The following PTPRJ variants were observed in gnomAD, a reference collection of about 807,000 sequenced individuals.
The protein encoded by PTPRJ is protein tyrosine phosphatase receptor type J.
In PTPRJ, 129 loss-of-function variants were observed where a neutral mutation model predicts 141.3. The observed-to-expected ratio is 0.91, with a 90% CI of 0.79 to 1.06. PTPRJ has a LOEUF of 1.06. PTPRJ is among the 50% of genes least tolerant of loss of function. The probability of loss-of-function intolerance (pLI) is 0.00; values close to 1 mark genes in which losing one functional copy is unlikely to be tolerated. For synonymous variants in PTPRJ, 610 were observed against 640.5 expected, an observed-to-expected ratio of 0.95 and a Z score of 0.72; for missense variants, 1,601 against 1,679.7, an observed-to-expected ratio of 0.95 and a Z score of 0.82.
chr11:48,099,611 C>G (rs1222884012), intron 1 of PTPRJ, among the ~76,000 whole-genome samples: 1 of 152,070 alleles, frequency 6.6e-6, no homozygotes, highest in Admixed American at 6.5e-5. Flanking sequence ...TGGGTAGGCT[C>G]TGGTGCACCA....
chr11:48,096,538 A>T (rs1001538879), intron 1 of PTPRJ, among the ~76,000 whole-genome samples: 4 of 74,992 alleles, frequency 5.3e-5, no homozygotes, highest in Admixed American at 1.5e-4. Context: ...GCCCGCCCCC[A>T]CCCCCACAAC....
At chr11:48,076,325 TG>T (rs150874128) in intron 1 of PTPRJ, among the ~76,000 whole-genome samples, 1,670 of 152,358 alleles carry the variant, frequency 0.011, 36 homozygotes, top group African/African-American at 0.039. Context: ...TATTAGAGTT[TG>T]TTTTTTTGTC....
At chr11:48,144,278 A>G (rs919218048) in intron 12 of PTPRJ, among the ~76,000 whole-genome samples, 1 of 152,180 alleles carries the variant, frequency 6.6e-6, no homozygotes, top group Non-Finnish European at 1.5e-5. Flanking sequence ...AGCAAGTCCC[A>G]TTGAGGAAGG....
At chr11:48,075,370 C>G (rs916543759) in intron 1 of PTPRJ, among the ~76,000 whole-genome samples, 17 of 152,056 alleles carry the variant, frequency 1.1e-4, no homozygotes, top group African/African-American at 4.1e-4. Flanking sequence ...TGTGATCCCC[C>G]TGCCTCGGCC....
rs1328190844 is a variant in PTPRJ, at chr11:48,167,815, GGAT to G, written c.*460_*462del. 33 of 153,012 alleles carry G rather than the reference GGAT, an allele frequency of 2.2e-4. No individual in the cohort carries two copies. The East Asian group carries it at 6.0e-3, about 28-fold the overall frequency. The allele number at this position is 153,012 out of a possible 1,614,324, so 9.5% of individuals were successfully genotyped here. On this transcript the variant is annotated 3_prime_UTR_variant, in exon 25 of 25. Coordinates refer to ENST00000418331, the MANE Select transcript of PTPRJ (RefSeq NM_002843.4). ...TAGCCGATGGAAAATACCTAATTGTGGATGATGATTGCGCAGGGAGGGGTACGT... is the reference window on the plus strand; with the variant it reads ...TAGCCGATGGAAAATACCTAATTGTGGATGATTGCGCAGGGAGGGGTACGT...
intron 1 of PTPRJ, among the ~76,000 whole-genome samples, chr11:48,005,400 TC>T (rs1854597139): frequency 6.6e-6 from 1 of 152,210 alleles, no homozygotes; most frequent in South Asian, 2.1e-4. Context: ...GCTTTCTGTT[TC>T]TGTGAATTTA....
chr11:47,982,690 A>G (rs1430067704), intron 1 of PTPRJ, among the ~76,000 whole-genome samples: 5 of 151,008 alleles, frequency 3.3e-5, no homozygotes, highest in Admixed American at 2.6e-4. Context: ...TAAATTATAT[A>G]TATATAAAAT....
intron 1 of PTPRJ, among the ~76,000 whole-genome samples, chr11:48,078,039 A>C (rs972939941): frequency 1.1e-4 from 16 of 151,316 alleles, no homozygotes; most frequent in Admixed American, 7.9e-4. Flanking sequence ...CTAAAGATGG[A>C]TTCAGTGTTT....
intron 1 of PTPRJ, among the ~76,000 whole-genome samples, chr11:48,000,194 G>T: frequency 6.7e-6 from 1 of 148,622 alleles, no homozygotes; most frequent in East Asian, 2.0e-4. Context: ...AGGCTGGAGT[G>T]CAGTGGTGTG....
intron 1 of PTPRJ, among the ~76,000 whole-genome samples, chr11:48,026,845 TG>T (rs1273232226): frequency 6.6e-6 from 1 of 152,020 alleles, no homozygotes; most frequent in Non-Finnish European, 1.5e-5. Context: ...ATCCCTCACC[TG>T]CTTCCCACCC....
chr11:48,142,162 G>A (rs1857246931), intron 11 of PTPRJ, among the ~76,000 whole-genome samples: 1 of 152,144 alleles, frequency 6.6e-6, no homozygotes, highest in Non-Finnish European at 1.5e-5. Context: ...CTGTATATGT[G>A]AGAGTTTAAT....
intron 3 of PTPRJ, among the ~76,000 whole-genome samples, chr11:48,114,207 G>C (rs769442152): frequency 6.6e-6 from 1 of 152,126 alleles, no homozygotes; most frequent in Non-Finnish European, 1.5e-5. Context: ...GGGAGGCTAA[G>C]GTGGGTGATC....
chr11:48,046,120 C>G (rs1854387042), intron 1 of PTPRJ: 1 of 152,204 alleles, frequency 6.6e-6, no homozygotes, highest in Non-Finnish European at 1.5e-5. Context: ...AATCACAGAT[C>G]ACTGTAGCCT....
At chr11:48,071,902 ATTTTTTT>A (rs35087042) in intron 1 of PTPRJ, among the ~76,000 whole-genome samples, 1 of 82,552 alleles carries the variant, frequency 1.2e-5, no homozygotes, top group Admixed American at 1.8e-4. Context: ...ACGCCTGGCC[ATTTTTTT>A]TTTTTTTTTT....
intron 1 of PTPRJ, among the ~76,000 whole-genome samples, chr11:48,084,719 A>C (rs1239002035): frequency 6.6e-6 from 1 of 151,890 alleles, no homozygotes; most frequent in Non-Finnish European, 1.5e-5. Context: ...GTTTTGTGAA[A>C]CTTGGAGTAC....
At chr11:47,989,144 A>G (rs1380832682) in intron 1 of PTPRJ, among the ~76,000 whole-genome samples, 2 of 151,420 alleles carry the variant, frequency 1.3e-5, no homozygotes, top group East Asian at 3.9e-4. Flanking sequence ...CGGCCTCCCA[A>G]AGTGCTGGGA....
chr11:48,035,483 G>A (rs1053618419), intron 1 of PTPRJ, among the ~76,000 whole-genome samples: 4 of 147,314 alleles, frequency 2.7e-5, no homozygotes, highest in Non-Finnish European at 5.9e-5. Flanking sequence ...GGGACCATCT[G>A]TGCTCTCCTG....
chr11:48,083,439 A>T (rs1230505510), intron 1 of PTPRJ, among the ~76,000 whole-genome samples: 2 of 152,234 alleles, frequency 1.3e-5, no homozygotes, highest in Non-Finnish European at 1.5e-5. Context: ...CAAATAAAAA[A>T]TATTATTTTT....
chr11:48,050,657 T>C (rs1053300702), intron 1 of PTPRJ, among the ~76,000 whole-genome samples: 1 of 152,218 alleles, frequency 6.6e-6, no homozygotes, highest in Non-Finnish European at 1.5e-5. Context: ...TTTGCTGAGA[T>C]GTCTTGTACT....
Sources: gnomAD v4.1 joint callset for allele counts (sites outside exome capture counted in the v4.1 genomes callset) on GRCh38, gnomAD v4.1.1 for gene constraint, MANE v1.5 for transcripts, NCBI Gene and HGNC (gene_info 2026-07-23, HGNC 2026-07-21) for gene names.